PPP2R2B: variants seen among roughly 807,000 people sequenced by gnomAD.
The protein encoded by PPP2R2B is serine/threonine-protein phosphatase 2A 55 kDa regulatory subunit B beta isoform.
PPP2R2B carries 5 observed loss-of-function variants against 46.0 expected under a neutral mutation model. The ratio of observed to expected loss-of-function variants is 0.11; its 90% CI spans 0.06 to 0.23. The LOEUF is 0.23. Among genes scored for constraint, PPP2R2B ranks in the 10% least tolerant of loss-of-function variants. PPP2R2B has a pLI of 1.00. For missense variants in PPP2R2B, 367 were observed against 575.0 expected, an observed-to-expected ratio of 0.64 and a Z score of 3.70; for synonymous variants, 215 against 206.7, an observed-to-expected ratio of 1.04 and a Z score of -0.34.
intron 2 of PPP2R2B, among the ~76,000 whole-genome samples, chr5:146,781,317 G>C (rs1755517473): frequency 6.6e-6 from 1 of 150,792 alleles, no homozygotes; most frequent in Non-Finnish European, 1.5e-5. Context: ...ACATTATCCT[G>C]CCTCTCTCAT....
intron 2 of PPP2R2B, among the ~76,000 whole-genome samples, chr5:146,735,971 G>A (rs776007447): frequency 6.6e-5 from 10 of 152,136 alleles, no homozygotes; most frequent in Non-Finnish European, 1.5e-4. Flanking sequence ...GTTTGGCTGT[G>A]TCCCCACCCA....
chr5:146,784,198 T>C (rs533201777), intron 2 of PPP2R2B, among the ~76,000 whole-genome samples: 1 of 152,338 alleles, frequency 6.6e-6, no homozygotes, highest in Non-Finnish European at 1.5e-5. Context: ...GTAAATAGCA[T>C]GCATGATATG....
intron 1 of PPP2R2B, among the ~76,000 whole-genome samples, chr5:146,951,764 T>C (rs1414451214): frequency 6.6e-6 from 1 of 152,078 alleles, no homozygotes; most frequent in Non-Finnish European, 1.5e-5. Context: ...CTACCACTGA[T>C]GGGCATTTGG....
intron 6 of PPP2R2B, among the ~76,000 whole-genome samples, chr5:146,645,692 A>C (rs1407430077): frequency 1.3e-5 from 2 of 152,224 alleles, no homozygotes; most frequent in Non-Finnish European, 2.9e-5. Context: ...AATAAAATGA[A>C]GCCACTGTAC....
intron 2 of PPP2R2B, among the ~76,000 whole-genome samples, chr5:146,872,428 G>A (rs1305381466): frequency 2.0e-5 from 3 of 152,188 alleles, no homozygotes; most frequent in African/African-American, 7.2e-5. Flanking sequence ...AAATACCAAA[G>A]CAACTTAAGG....
At chr5:147,023,143 AAAT>A (rs1344078505) in intron 1 of PPP2R2B, among the ~76,000 whole-genome samples, 1 of 152,178 alleles carries the variant, frequency 6.6e-6, no homozygotes, top group Non-Finnish European at 1.5e-5. Flanking sequence ...TCATGTGTAG[AAAT>A]AATAACAATC....
At chr5:146,706,755 C>T (rs913197674) in intron 2 of PPP2R2B, 1 of 804,178 alleles carries the variant, frequency 1.2e-6, no homozygotes, top group African/African-American at 1.7e-5. Flanking sequence ...GTCTGCAGCT[C>T]CTCATACTTG....
chr5:146,774,314 T>A (rs1428710987), intron 2 of PPP2R2B, among the ~76,000 whole-genome samples: 1 of 152,194 alleles, frequency 6.6e-6, no homozygotes, highest in Non-Finnish European at 1.5e-5. Flanking sequence ...GTCATTATTA[T>A]CATCACTATC....
intron 2 of PPP2R2B, among the ~76,000 whole-genome samples, chr5:147,080,796 G>C (rs1757947848): frequency 6.6e-6 from 1 of 152,042 alleles, no homozygotes; most frequent in Non-Finnish European, 1.5e-5. Flanking sequence ...CTGAAACAAG[G>C]CTTGCCTAGT....
intron 1 of PPP2R2B, among the ~76,000 whole-genome samples, chr5:146,971,638 AGTT>A (rs531819665): frequency 1.7e-4 from 26 of 152,202 alleles, no homozygotes; most frequent in Non-Finnish European, 3.5e-4. Context: ...GTGATAATTC[AGTT>A]GTTATTTTGA....
chr5:146,804,431 G>A (rs1757050638), intron 2 of PPP2R2B, among the ~76,000 whole-genome samples: 2 of 152,102 alleles, frequency 1.3e-5, no homozygotes, highest in African/African-American at 4.8e-5. Flanking sequence ...TACAAAGTTT[G>A]TAGTTCTGTT....
At position 146,698,989 on chromosome 5, in the gene PPP2R2B, A is replaced by AAAG. The variant is rs1233642286; in HGVS notation, c.169-848_169-846dup. Among the ~76,000 whole-genome samples the AAAG allele has an allele frequency of 4.6e-5, 7 of 152,276 alleles. No individual in the cohort carries two copies. In the East Asian group the frequency reaches 7.7e-4, roughly 17 times the overall value. On this transcript the variant is annotated intron_variant, in intron 3 of 9. Transcript: ENST00000394411. ...GGAGAAAAAAAACAGGATGTGAAAGAAAGAAGAAGAAGAGGAGGAAAGTGG... is the reference window on the plus strand; with the variant it reads ...GGAGAAAAAAAACAGGATGTGAAAGAAAGAAGAAGAAGAAGAGGAGGAAAGTGG...
chr5:146,820,837 A>T (rs1758211933), intron 2 of PPP2R2B, among the ~76,000 whole-genome samples: 1 of 152,126 alleles, frequency 6.6e-6, no homozygotes, highest in Non-Finnish European at 1.5e-5. Flanking sequence ...GAGACACAGG[A>T]TTCATTCTGA....
intron 2 of PPP2R2B, among the ~76,000 whole-genome samples, chr5:146,828,406 A>C (rs926879473): frequency 8.5e-5 from 13 of 152,200 alleles, no homozygotes; most frequent in Admixed American, 7.2e-4. Context: ...GGGCTGGTGC[A>C]TTGCTTTCAG....
chr5:147,051,367 C>T (rs1462640312), intron 1 of PPP2R2B, among the ~76,000 whole-genome samples: 1 of 152,134 alleles, frequency 6.6e-6, no homozygotes, highest in Non-Finnish European at 1.5e-5. Context: ...GCCCTTAGCA[C>T]ACAGCCAGTG....
chr5:146,608,983 C>T (rs1401582634), intron 7 of PPP2R2B, among the ~76,000 whole-genome samples: 1 of 152,100 alleles, frequency 6.6e-6, no homozygotes, highest in Non-Finnish European at 1.5e-5. Context: ...ATCAAGAGAA[C>T]TATAAGCCAA....
At position 146,706,779 on chromosome 5, in the gene PPP2R2B, T is replaced by C; in HGVS notation, c.71-5637A>G. On this transcript the variant is annotated intron_variant, in intron 2 of 9. Coordinates refer to ENST00000394411, the MANE Select transcript of PPP2R2B (RefSeq NM_181675.4). ...TCCTCATACTTGATCTGATACATGCTCTCGGCCTCAGCCCGACTGCGGTTG... is the reference window on the plus strand; with the variant it reads ...TCCTCATACTTGATCTGATACATGCCCTCGGCCTCAGCCCGACTGCGGTTG... 3 of 816,666 alleles carry C rather than the reference T, an allele frequency of 3.7e-6. No individual in the cohort carries two copies. In the Admixed American group the frequency reaches 5.1e-5, roughly 14 times the overall value. 50.6% of individuals were successfully genotyped at this position (816,666 alleles called of 1,614,324 possible).
intron 1 of PPP2R2B, among the ~76,000 whole-genome samples, chr5:146,939,151 C>A (rs1297558472): frequency 6.6e-6 from 1 of 152,082 alleles, no homozygotes; most frequent in Non-Finnish European, 1.5e-5. Context: ...TCTGTCCAGG[C>A]TCCAGGTGGT....
intron 2 of PPP2R2B, among the ~76,000 whole-genome samples, chr5:146,760,047 C>T (rs1210161936): frequency 4.6e-5 from 7 of 152,120 alleles, no homozygotes; most frequent in African/African-American, 1.2e-4. Flanking sequence ...TGTTTAGAAG[C>T]TAAATCTGCT....
Sources: allele counts gnomAD v4.1 joint callset (sites outside exome capture counted in the v4.1 genomes callset), GRCh38; gene constraint gnomAD v4.1.1; transcripts MANE v1.5; gene names NCBI Gene and HGNC (gene_info 2026-07-23, HGNC 2026-07-21).